The following ARHGAP28 variants were observed in gnomAD, a reference collection of about 807,000 sequenced individuals.
ARHGAP28 encodes Rho GTPase activating protein 28.
ARHGAP28 carries 56 observed loss-of-function variants against 90.7 expected under a neutral mutation model. The observed-to-expected ratio is 0.62, with a 90% CI of 0.50 to 0.77. The LOEUF (loss-of-function observed/expected upper bound fraction) is 0.77. Among genes scored for constraint, ARHGAP28 ranks in the 30% least tolerant of loss-of-function variants. The pLI, the probability that ARHGAP28 is intolerant of heterozygous loss-of-function variation, is 0.00. For missense variants in ARHGAP28, 869 were observed against 900.9 expected, an observed-to-expected ratio of 0.96 and a Z score of 0.45; for synonymous variants, 308 against 323.3, an observed-to-expected ratio of 0.95 and a Z score of 0.51.
intron 1 of ARHGAP28, among the ~76,000 whole-genome samples, chr18:6,814,453 C>T (rs776254809): frequency 6.6e-6 from 1 of 152,054 alleles, no homozygotes; most frequent in East Asian, 1.9e-4. Flanking sequence ...AAAAGCAATA[C>T]GAGGATACAA....
At chr18:6,738,961 A>C (rs2055951883) in intron 1 of ARHGAP28, among the ~76,000 whole-genome samples, 1 of 152,210 alleles carries the variant, frequency 6.6e-6, no homozygotes, top group Admixed American at 6.5e-5. Flanking sequence ...GATTCTTTAA[A>C]AATAAGTCCT....
chr18:6,765,668 G>A (rs1476165853), intron 1 of ARHGAP28, among the ~76,000 whole-genome samples: 4 of 151,734 alleles, frequency 2.6e-5, no homozygotes, highest in Non-Finnish European at 5.9e-5. Context: ...TTAATTTAAT[G>A]CTCTTCTTTT....
intron 1 of ARHGAP28, among the ~76,000 whole-genome samples, chr18:6,766,936 G>A (rs2056204553): frequency 6.6e-6 from 1 of 152,114 alleles, no homozygotes; most frequent in Admixed American, 6.5e-5. Context: ...CTTTTCCTGT[G>A]CCTGTGTCTT....
chr18:6,803,127 G>A (rs1390737613), intron 1 of ARHGAP28, among the ~76,000 whole-genome samples: 2 of 151,952 alleles, frequency 1.3e-5, no homozygotes, highest in African/African-American at 4.8e-5. Context: ...GTACAATGTT[G>A]AATAGAAGTG....
Position 6,824,845 on chromosome 18 carries a change from C to G in ARHGAP28, c.206C>G (p.Ser69Ter), listed in dbSNP as rs1259910395. 5 of 1,536,380 alleles carry G rather than the reference C, an allele frequency of 3.3e-6. No homozygotes were observed. The Admixed American group carries it at 5.9e-5, about 18-fold the overall frequency. Residue 69 changes from serine to a stop codon, truncating the protein, a stop_gained, in exon 2 of 18, where the codon TCA (serine) becomes TGA (stop). Transcript: ENST00000383472. LOFTEE classifies it high-confidence loss of function. ...CCTCCTGCCTTCAGCCGTTCCAACT[C>G]AGAAGCCTCCGTAGACAGCGCCTCC... ...LHPPAFSRSN[S>*]EASVDSASME...
chr18:6,793,304 G>A (rs2056419213), intron 1 of ARHGAP28, among the ~76,000 whole-genome samples: 1 of 152,172 alleles, frequency 6.6e-6, no homozygotes, highest in Non-Finnish European at 1.5e-5. Context: ...CTCAAAATAA[G>A]GACAGATGAG....
At chr18:6,836,609 G>C (rs1053538984) in intron 2 of ARHGAP28, among the ~76,000 whole-genome samples, 1 of 152,082 alleles carries the variant, frequency 6.6e-6, no homozygotes, top group Non-Finnish European at 1.5e-5. Context: ...GGAGGAATTG[G>C]GAGGAGTTGG....
intron 13 of ARHGAP28, 55 bp from the exon 14 acceptor site, chr18:6,890,375 A>G (rs779045525): frequency 2.5e-5 from 29 of 1,150,648 alleles, no homozygotes; most frequent in Non-Finnish European, 3.4e-5. Flanking sequence ...ACAATCTGCT[A>G]GGGAGTTTGA....
At position 6,887,333 on chromosome 18, in the gene ARHGAP28, C is replaced by T. The variant is rs2057229896; in HGVS notation, c.1536+94C>T. ...AAATGAAAGTGGAGATGACAGCTCACTGAGCCACCTGAGCATGCTGCAAAC... is the reference window on the plus strand; with the variant it reads ...AAATGAAAGTGGAGATGACAGCTCATTGAGCCACCTGAGCATGCTGCAAAC... On this transcript the variant is annotated intron_variant, in intron 12 of 17. Coordinates refer to ENST00000383472, the MANE Select transcript of ARHGAP28 (RefSeq NM_001366230.1). 4.7e-6 allele frequency: 5 copies of T among 1,058,424 alleles called. No homozygotes were observed. In the East Asian group the frequency reaches 1.3e-4, roughly 27 times the overall value. The allele number at this position is 1,058,424 out of a possible 1,614,324, so 65.6% of individuals were successfully genotyped here.
intron 14 of ARHGAP28, among the ~76,000 whole-genome samples, chr18:6,893,488 G>T (rs1056787269): frequency 2.0e-5 from 3 of 152,180 alleles, no homozygotes; most frequent in African/African-American, 7.2e-5. Flanking sequence ...TGCTTTTATG[G>T]AGGGGCAGCC....
chr18:6,748,937 C>G (rs1176020295), intron 1 of ARHGAP28, among the ~76,000 whole-genome samples: 2 of 152,084 alleles, frequency 1.3e-5, no homozygotes, highest in Non-Finnish European at 2.9e-5. Context: ...AGTCACTAGT[C>G]TTGTGTGTCA....
At chr18:6,815,912 T>C (rs573492551) in intron 1 of ARHGAP28, among the ~76,000 whole-genome samples, 9 of 152,236 alleles carry the variant, frequency 5.9e-5, no homozygotes, top group Admixed American at 5.2e-4. Flanking sequence ...ATTGTTTTTT[T>C]TTTTTTAAAG....
chr18:6,890,123 C>A, intron 13 of ARHGAP28, 38 bp downstream of exon 13: 3 of 1,606,320 alleles, frequency 1.9e-6, no homozygotes, highest in South Asian at 1.1e-5. Flanking sequence ...CCTCAGAAGT[C>A]CATGTCCCCA....
intron 1 of ARHGAP28, among the ~76,000 whole-genome samples, chr18:6,756,790 C>T (rs1057086136): frequency 6.6e-6 from 1 of 152,112 alleles, no homozygotes; most frequent in African/African-American, 2.4e-5. Flanking sequence ...GTCCAAGAGT[C>T]CAAAAGCCAA....
chr18:6,768,034 C>G (rs779925043), intron 1 of ARHGAP28, among the ~76,000 whole-genome samples: 4 of 152,030 alleles, frequency 2.6e-5, no homozygotes, highest in Non-Finnish European at 5.9e-5. Context: ...TGAGTATTTT[C>G]CATATTTTGT....
rs769278365 is a variant in ARHGAP28, at chr18:6,912,047, CTCTT to C, written c.2096-7_2096-4del. On this transcript the variant is annotated splice_polypyrimidine_tract_variant and intron_variant, in intron 17 of 17. Transcript: ENST00000383472. ...AATGTACACTAATTCTCTGATCTTT[CTCTT>C]TCTTTTAGGAGAGCATTGCTTGGAT... is the stretch of plus-strand genomic sequence containing the variant. The C allele has an allele frequency of 3.2e-6, 5 of 1,553,332 alleles. No homozygotes were observed. Among genetic ancestry groups the C allele is most frequent in the South Asian group, 1.1e-5 (1 of 87,180 alleles).
chr18:6,867,156 A>C (rs1359579457), intron 5 of ARHGAP28, among the ~76,000 whole-genome samples: 11 of 152,172 alleles, frequency 7.2e-5, no homozygotes, highest in Admixed American at 6.5e-4. Flanking sequence ...CCATTTACAC[A>C]ATTATAATTG....
chr18:6,731,291 C>CGA (rs1567928246), intron 1 of ARHGAP28, among the ~76,000 whole-genome samples: 1 of 149,476 alleles, frequency 6.7e-6, no homozygotes, highest in Non-Finnish European at 1.5e-5. Context: ...TATATGTGTG[C>CGA]GTGTGTGTGT....
chr18:6,903,548 A>G (rs2057348409), intron 16 of ARHGAP28, among the ~76,000 whole-genome samples: 1 of 152,102 alleles, frequency 6.6e-6, no homozygotes, highest in Non-Finnish European at 1.5e-5. Context: ...ATCCAGAAAG[A>G]TAGGCTGGGC....
Sources: gnomAD v4.1 joint callset for allele counts (sites outside exome capture counted in the v4.1 genomes callset) on GRCh38, gnomAD v4.1.1 for gene constraint, MANE v1.5 for transcripts, NCBI Gene and HGNC (gene_info 2026-07-23, HGNC 2026-07-21) for gene names.